The following SRRM2 variants were observed in gnomAD, a reference collection of about 807,000 sequenced individuals.
The protein encoded by SRRM2 is serine/arginine repetitive matrix protein 2.
SRRM2 carries 30 observed loss-of-function variants against 213.8 expected under a neutral mutation model. The ratio of observed to expected loss-of-function variants is 0.14; its 90% CI spans 0.10 to 0.19. The LOEUF (loss-of-function observed/expected upper bound fraction) is 0.19. SRRM2 is among the 10% of genes least tolerant of loss of function. The pLI, the probability that SRRM2 is intolerant of heterozygous loss-of-function variation, is 1.00. For synonymous variants in SRRM2, 2,025 were observed against 1,377.7 expected, an observed-to-expected ratio of 1.47 and a Z score of -10.40; for missense variants, 4,904 against 3,647.0, an observed-to-expected ratio of 1.34 and a Z score of -8.88.
rs757656204 is a variant in SRRM2 at position 2,767,422 on chromosome 16, A to C, written c.6894A>C (p.Ala2298=). Residue 2298 remains alanine (A), a synonymous_variant, in exon 11 of 15, where the codon GCA becomes GCC. Transcript: ENST00000301740. ...CCACAGCCCCAGCTGTGAACCTAGC[A>C]GGGGCCAGAACCCCAGCTGCCTTGG... ...RTPTAPAVNL[A]GARTPAALAA... 15 of 1,614,054 alleles carry C rather than the reference A, an allele frequency of 9.3e-6. No homozygotes were observed. The highest frequency in any genetic ancestry group is 1.7e-4 in the Middle Eastern group (1 of 6,060).
intron 12 of SRRM2, chr16:2,769,953 C>T: frequency 2.3e-6 from 1 of 443,842 alleles, no homozygotes; most frequent in Non-Finnish European, 4.4e-6. Context: ...CTGGTGAACT[C>T]CTCGTTCTGC....
At position 2,763,706 on chromosome 16, in the gene SRRM2, C is replaced by G; in HGVS notation, c.3178C>G (p.Gln1060Glu). 3 of 1,614,194 alleles carry G rather than the reference C, an allele frequency of 1.9e-6. No individual in the cohort carries two copies. The highest frequency in any genetic ancestry group is 2.5e-6 in the Non-Finnish European group (3 of 1,180,046). The change falls in exon 11 of 15, where the codon CAA becomes GAA. Residue 1060 changes from glutamine to glutamate, a missense_variant. Transcript: ENST00000301740. The stretch of plus-strand genomic sequence containing the variant: ...TGTCTCATCTCTGCAACTGAAAGGA[C>G]AATCTCAAACTTCACCAGACCACAG... Reference protein sequence around the residue: ...FGVSSLQLKGQSQTSPDHRSD... With the variant: ...FGVSSLQLKGESQTSPDHRSD...
chr16:2,764,997 C>G lies in SRRM2; in HGVS notation c.4469C>G (p.Pro1490Arg). 2 of 1,614,058 alleles carry G rather than the reference C, an allele frequency of 1.2e-6. No individual in the cohort carries two copies. The highest frequency in any genetic ancestry group is 1.3e-5 in the African/African-American group (1 of 75,022). Reference sequence around the variant, plus strand: ...TCTTCCCCAGAACCGAAAGCTTTGCCTCAGACTCCTAGGCCGAGGAGTCGT... The same window carrying G: ...TCTTCCCCAGAACCGAAAGCTTTGCGTCAGACTCCTAGGCCGAGGAGTCGT... ...CDSSPEPKAL[P>R]QTPRPRSRSP... The change falls in exon 11 of 15, where the codon CCT becomes CGT. Residue 1490 changes from proline to arginine, a missense_variant. Pro to Arg is a moderately radical substitution (Grantham distance 103). Coordinates refer to ENST00000301740, the MANE Select transcript of SRRM2 (RefSeq NM_016333.4).
intron 7 of SRRM2, 36 bp from the exon 8 acceptor site, chr16:2,759,316 A>T (rs2068257490): frequency 1.2e-6 from 2 of 1,610,046 alleles, no homozygotes; most frequent in African/African-American, 2.7e-5. Flanking sequence ...CCTTTTTTAA[A>T]GAAGTTACTT....
rs764205524 is a variant in SRRM2 at position 2,756,558 on chromosome 16, G to C, written c.194G>C (p.Arg65Pro). 1 of 1,614,056 alleles carries C rather than the reference G, an allele frequency of 6.2e-7. No homozygotes were observed. Among genetic ancestry groups the C allele is most frequent in the Non-Finnish European group, 8.5e-7 (1 of 1,179,974 alleles). ...PDILDHERKR[R>P]VELRCLELEE... ...ATCCTGGACCACGAGCGCAAGCGGC[G>C]CGTCGAGCTGCGATGCCTCGAGCTG... Residue 65 changes from arginine (R) to proline (P), a missense_variant, in exon 2 of 15, where the codon CGC (arginine) becomes CCC (proline). Arg to Pro is a moderately radical substitution (Grantham distance 103, BLOSUM62 -2). Coordinates refer to ENST00000301740, the MANE Select transcript of SRRM2 (RefSeq NM_016333.4).
rs182217445 is a variant in SRRM2, at chr16:2,770,356, C to T, written c.8026C>T (p.Arg2676Cys). ...KKPPPGERRS[R>C]SPRKPIDSLR... ...GGGTCCTACTGTGTTCCCCAGGTCC[C>T]GCAGCCCCCGGAAGCCAATAGACTC... is the stretch of plus-strand genomic sequence containing the variant. The change falls in exon 13 of 15, where the codon CGC (arginine) becomes TGC (cysteine). Residue 2676 changes from arginine to cysteine, a missense_variant. Physicochemically the swap from Arg to Cys is radical, Grantham distance 180 (BLOSUM62 -3). Coordinates refer to ENST00000301740, the MANE Select transcript of SRRM2 (RefSeq NM_016333.4). 222 of 1,593,344 alleles carry T rather than the reference C, an allele frequency of 1.4e-4. No homozygotes were observed. Among genetic ancestry groups the T allele is most frequent in the Admixed American group, 6.6e-4 (38 of 57,378 alleles).
At position 2,764,232 on chromosome 16, in the gene SRRM2, A is replaced by G. The variant is rs756907439; in HGVS notation, c.3704A>G (p.Asp1235Gly). ...AGTGCATTGCCTACGTCAAGCCAAGATGAAGAGTTAATGGAGGTGGTAGAG... is the reference window on the plus strand; with the variant it reads ...AGTGCATTGCCTACGTCAAGCCAAGGTGAAGAGTTAATGGAGGTGGTAGAG... ...QNSALPTSSQ[D>G]EELMEVVEKS... The change falls in exon 11 of 15, where the codon GAT (aspartate) becomes GGT (glycine). Residue 1235 changes from aspartate to glycine, a missense_variant. Asp to Gly is a moderately conservative substitution (Grantham distance 94). Transcript: ENST00000301740. 1.2e-6 allele frequency: 2 copies of G among 1,614,190 alleles called. No individual in the cohort carries two copies. Among genetic ancestry groups the G allele is most frequent in the Non-Finnish European group, 8.5e-7 (1 of 1,180,028 alleles).
intron 7 of SRRM2, 28 bp from the exon 8 acceptor site, chr16:2,759,324 C>G (rs754739314): frequency 3.1e-6 from 5 of 1,609,812 alleles, no homozygotes; most frequent in Admixed American, 3.4e-5. Context: ...AAAGAAGTTA[C>G]TTTTAACAAC....
chr16:2,768,671 TC>T, intron 11 of SRRM2: 1 of 651,296 alleles, frequency 1.5e-6, no homozygotes, highest in East Asian at 3.2e-5. Flanking sequence ...CACAGGGGCC[TC>T]CCCAAGCTGC....
chr16:2,768,184 C>T lies in SRRM2; in HGVS notation c.7656C>T (p.Ser2552=), dbSNP rs59593256. 5 of 1,440,730 alleles carry T rather than the reference C, an allele frequency of 3.5e-6. No homozygotes were observed. Among genetic ancestry groups the T allele is most frequent in the South Asian group, 1.3e-5 (1 of 79,608 alleles). The allele number at this position is 1,440,730 out of a possible 1,614,324, so 89.2% of individuals were successfully genotyped here. The change falls in exon 11 of 15, where the codon TCC becomes TCT. Residue 2552 remains serine (S), a synonymous_variant. Transcript: ENST00000301740. ...SSSSSSSSSS[S]SSSSGSSSSD... ...CTTCTTCATCATCGTCGTCGTCGTCCTCCTCCTCCTCTGGCTCCAGTTCTA... is the reference window on the plus strand; with the variant it reads ...CTTCTTCATCATCGTCGTCGTCGTCTTCCTCCTCCTCTGGCTCCAGTTCTA...
At chr16:2,753,043 C>CG (rs1473079216) in intron 1 of SRRM2, among the ~76,000 whole-genome samples, 197 bp downstream of exon 1, 8 of 151,000 alleles carry the variant, frequency 5.3e-5, no homozygotes, top group African/African-American at 1.7e-4. Context: ...TTCACCCCCC[C>CG]CCGCCCCTCC....
chr16:2,765,118 G>T lies in SRRM2; in HGVS notation c.4590G>T (p.Arg1530=), dbSNP rs772598948. 3.7e-6 allele frequency: 6 copies of T among 1,614,138 alleles called. No homozygotes were observed. Among genetic ancestry groups the T allele is most frequent in the Non-Finnish European group, 5.1e-6 (6 of 1,180,036 alleles). Residue 1530 remains arginine (R), a synonymous_variant, in exon 11 of 15, where the codon CGG becomes CGT. Coordinates refer to ENST00000301740, the MANE Select transcript of SRRM2 (RefSeq NM_016333.4). ...ESSVDQKTVA[R]TPLGQRSRSG... ...CAGTTGATCAGAAAACTGTGGCTCGGACTCCCCTGGGGCAGAGAAGTCGTT... is the reference window on the plus strand; with the variant it reads ...CAGTTGATCAGAAAACTGTGGCTCGTACTCCCCTGGGGCAGAGAAGTCGTT...
intron 12 of SRRM2, 181 bp downstream of exon 12, chr16:2,769,465 C>T (rs527455440): frequency 8.1e-5 from 59 of 729,230 alleles, no homozygotes; most frequent in Non-Finnish European, 1.2e-4. Flanking sequence ...CGAAGGGCTG[C>T]GCCATCCACA....
chr16:2,766,036 A>G lies in SRRM2; in HGVS notation c.5508A>G (p.Arg1836=). The change falls in exon 11 of 15, where the codon CGA becomes CGG. Residue 1836 remains arginine (R), a synonymous_variant. Transcript: ENST00000301740. This position sits in a 1 kb window ranked among gnomAD's most constrained non-coding sequence, Gnocchi z 7.0. ...AGGAAAGTTCCCGGACCTCCTCTCG[A>G]CGCCGAAGAGGCCGCTCTCGGACAC... ...ARQESSRTSS[R]RRRGRSRTPP... 1 of 1,613,836 alleles carries G rather than the reference A, an allele frequency of 6.2e-7. No individual in the cohort carries two copies. Among genetic ancestry groups the G allele is most frequent in the Non-Finnish European group, 8.5e-7 (1 of 1,179,964 alleles).
In SRRM2 at chr16:2,767,142, C is replaced by G. The variant is rs771675559; in HGVS notation, c.6614C>G (p.Ala2205Gly). The change falls in exon 11 of 15, where the codon GCT (alanine) becomes GGT (glycine). Residue 2205 changes from alanine to glycine, a missense_variant. Physicochemically the swap from Ala to Gly is moderately conservative, Grantham distance 60. Coordinates refer to ENST00000301740, the MANE Select transcript of SRRM2 (RefSeq NM_016333.4). ...CCGTCCATGTCTGCTGCTGGCCTTGCTGCAAGAATGTCCCAGGTTCCAGCC... is the reference window on the plus strand; with the variant it reads ...CCGTCCATGTCTGCTGCTGGCCTTGGTGCAAGAATGTCCCAGGTTCCAGCC... The part of the protein sequence containing the change: ...PPPSMSAAGL[A>G]ARMSQVPAPV... The G allele has an allele frequency of 1.9e-6, 3 of 1,614,190 alleles. No homozygotes were observed. The highest frequency in any genetic ancestry group is 1.1e-5 in the South Asian group (1 of 91,084).
At chr16:2,769,316 G>C (rs1358566113) in intron 12 of SRRM2, 32 bp downstream of exon 12, 2 of 1,530,904 alleles carry the variant, frequency 1.3e-6, no homozygotes, top group Admixed American at 4.2e-5. Flanking sequence ...TTGAAAGGTG[G>C]GTGGGGGAGT....
In SRRM2 at chr16:2,764,175, C is replaced by T. The variant is rs775382650; in HGVS notation, c.3647C>T (p.Ala1216Val). ...LRTPPRERSG[A>V]GSSPETKEQN... ...ACCCCGCCAAGGGAAAGAAGTGGTGCTGGGTCATCTCCAGAAACAAAAGAG... is the reference window on the plus strand; with the variant it reads ...ACCCCGCCAAGGGAAAGAAGTGGTGTTGGGTCATCTCCAGAAACAAAAGAG... The change falls in exon 11 of 15, where the codon GCT (alanine) becomes GTT (valine). Residue 1216 changes from alanine to valine, a missense_variant. Ala to Val is a moderately conservative substitution (Grantham distance 64). Coordinates refer to ENST00000301740, the MANE Select transcript of SRRM2 (RefSeq NM_016333.4). 1 of 1,614,208 alleles carries T rather than the reference C, an allele frequency of 6.2e-7. No individual in the cohort carries two copies. Among genetic ancestry groups the T allele is most frequent in the African/African-American group, 1.3e-5 (1 of 75,066 alleles).
In SRRM2 at chr16:2,756,725, G is replaced by C; in HGVS notation, c.242+119G>C. ...GGCCTGGCAAAGAGTTGTGGTAGGG[G>C]AGGAGGCAGATGAGCTCTAGAGAAG... On this transcript the variant is annotated intron_variant, in intron 2 of 14. Coordinates refer to ENST00000301740, the MANE Select transcript of SRRM2 (RefSeq NM_016333.4). The C allele has an allele frequency of 2.2e-6, 3 of 1,385,194 alleles. No homozygotes were observed. The East Asian group carries it at 7.0e-5, about 32-fold the overall frequency. 85.8% of individuals were successfully genotyped at this position (1,385,194 alleles called of 1,614,324 possible).
In SRRM2 at chr16:2,764,134, C is replaced by G. The variant is rs758991436; in HGVS notation, c.3606C>G (p.Phe1202Leu). The change falls in exon 11 of 15, where the codon TTC (phenylalanine) becomes TTG (leucine). Residue 1202 changes from phenylalanine (F) to leucine (L), a missense_variant. Transcript: ENST00000301740. ...VQDRPESSLV[F>L]KDTLRTPPRE... ...ATAGGCCTGAGTCTTCACTGGTATT[C>G]AAAGACACACTTAGAACCCCGCCAA... The G allele has an allele frequency of 8.7e-6, 14 of 1,614,028 alleles. No individual in the cohort carries two copies. Among genetic ancestry groups the G allele is most frequent in the African/African-American group, 1.3e-5 (1 of 74,912 alleles).
Sources: allele counts gnomAD v4.1 joint callset (sites outside exome capture counted in the v4.1 genomes callset), GRCh38; gene constraint gnomAD v4.1.1; non-coding constraint Gnocchi (gnomAD v3.1); transcripts MANE v1.5; gene names NCBI Gene and HGNC (gene_info 2026-07-23, HGNC 2026-07-21).